CPED1: variants seen among roughly 807,000 people sequenced by gnomAD.
CPED1 encodes cadherin-like and PC-esterase domain-containing protein 1.
A neutral mutation model predicts 128.2 loss-of-function variants in CPED1; 114 were observed. The observed-to-expected ratio is 0.89, with a 90% CI of 0.76 to 1.04. The LOEUF (loss-of-function observed/expected upper bound fraction) is 1.04, where lower values mean the gene tolerates loss of function less well. Among genes scored for constraint, CPED1 ranks in the 50% least tolerant of loss-of-function variants. The pLI, the probability that CPED1 is intolerant of heterozygous loss-of-function variation, is 0.00. For synonymous variants in CPED1, 462 were observed against 426.7 expected, an observed-to-expected ratio of 1.08 and a Z score of -1.02; for missense variants, 1,211 against 1,207.1, an observed-to-expected ratio of 1.00 and a Z score of -0.05.
At chr7:121,255,457 C>T (rs1798780190) in intron 18 of CPED1, among the ~76,000 whole-genome samples, 1 of 152,008 alleles carries the variant, frequency 6.6e-6, no homozygotes, top group South Asian at 2.1e-4. Flanking sequence ...CAGCTAACAT[C>T]ATATGGAATG....
intron 12 of CPED1, among the ~76,000 whole-genome samples, chr7:121,133,146 A>G (rs1385681517): frequency 1.3e-5 from 2 of 152,114 alleles, no homozygotes; most frequent in Non-Finnish European, 2.9e-5. Flanking sequence ...GCACCAGCAC[A>G]GGAAAGTCTT....
chr7:121,269,565 C>T (rs10278685), intron 21 of CPED1, among the ~76,000 whole-genome samples: 6,342 of 152,058 alleles, frequency 0.042, 420 homozygotes, highest in African/African-American at 0.14. Flanking sequence ...CTTTGAGAAG[C>T]CTTCAAACTG....
chr7:121,222,669 C>T (rs1210186454), intron 16 of CPED1, among the ~76,000 whole-genome samples: 4 of 152,170 alleles, frequency 2.6e-5, no homozygotes, highest in Admixed American at 2.6e-4. Context: ...AGAGGTCCTT[C>T]ACATCCCTCC....
intron 3 of CPED1, among the ~76,000 whole-genome samples, chr7:121,017,664 G>A (rs1355996574): frequency 2.0e-5 from 3 of 152,082 alleles, no homozygotes; most frequent in Admixed American, 1.3e-4. Context: ...TGGATTATCT[G>A]TACATTTCAA....
chr7:121,131,930 A>G (rs1003836483), intron 12 of CPED1, among the ~76,000 whole-genome samples: 4 of 151,238 alleles, frequency 2.6e-5, no homozygotes, highest in Non-Finnish European at 4.4e-5. Context: ...TTTCTATTCA[A>G]TGATCATTTT....
intron 2 of CPED1, among the ~76,000 whole-genome samples, chr7:121,011,894 A>G (rs193053526): frequency 6.6e-6 from 1 of 152,304 alleles, no homozygotes; most frequent in Admixed American, 6.5e-5. Context: ...TAAAGTTACA[A>G]TATAATATTA....
chr7:121,106,881 A>G (rs1031609786), intron 7 of CPED1, among the ~76,000 whole-genome samples: 6 of 152,098 alleles, frequency 3.9e-5, no homozygotes, highest in African/African-American at 1.4e-4. Flanking sequence ...TTTCTGTTAC[A>G]CCTTGCCGAT....
chr7:120,997,580 G>C (rs962802543), intron 2 of CPED1, among the ~76,000 whole-genome samples: 2 of 152,154 alleles, frequency 1.3e-5, no homozygotes, highest in Non-Finnish European at 2.9e-5. Flanking sequence ...TTAGGATGAG[G>C]TCACACTGGA....
chr7:121,189,249 A>C (rs1336854022), intron 16 of CPED1, among the ~76,000 whole-genome samples: 2 of 152,168 alleles, frequency 1.3e-5, no homozygotes, highest in Admixed American at 6.5e-5. Flanking sequence ...CCATTCTCAC[A>C]CTGCTATAAA....
intron 2 of CPED1, among the ~76,000 whole-genome samples, chr7:121,013,655 A>G: frequency 6.6e-6 from 1 of 152,344 alleles, no homozygotes; most frequent in Middle Eastern, 3.4e-3. Context: ...AAGTCACACA[A>G]ATAATGCTGG....
At chr7:121,180,470 G>A (rs1348384042) in intron 16 of CPED1, among the ~76,000 whole-genome samples, 1 of 151,866 alleles carries the variant, frequency 6.6e-6, no homozygotes, top group Admixed American at 6.6e-5. Context: ...AAGCCAATGG[G>A]ACAATAATAT....
At chr7:121,063,433 C>A (rs1294256987) in intron 4 of CPED1, among the ~76,000 whole-genome samples, 1 of 147,202 alleles carries the variant, frequency 6.8e-6, no homozygotes, top group Non-Finnish European at 1.5e-5. Flanking sequence ...GTGCCCGAAG[C>A]GAGCTACCAC....
intron 16 of CPED1, among the ~76,000 whole-genome samples, chr7:121,236,275 G>A (rs1416241655): frequency 6.6e-6 from 1 of 152,092 alleles, no homozygotes; most frequent in African/African-American, 2.4e-5. Context: ...TAAAATACAT[G>A]CATCTGATTC....
At chr7:121,076,096 A>G (rs893695934) in intron 5 of CPED1, among the ~76,000 whole-genome samples, 3 of 152,148 alleles carry the variant, frequency 2.0e-5, no homozygotes, top group African/African-American at 7.2e-5. Flanking sequence ...AGTCACTCTA[A>G]TAATTTTGAA....
intron 16 of CPED1, among the ~76,000 whole-genome samples, chr7:121,225,526 C>T (rs1260155938): frequency 1.3e-5 from 2 of 152,000 alleles, no homozygotes; most frequent in African/African-American, 2.4e-5. Context: ...TGTTGGCCTG[C>T]CTTGCTAGGT....
intron 4 of CPED1, chr7:121,051,032 A>G: frequency 1.8e-6 from 1 of 542,256 alleles, no homozygotes; most frequent in South Asian, 1.5e-5. Context: ...GCAGCGAAGG[A>G]TAAATCTTCA....
intron 7 of CPED1, among the ~76,000 whole-genome samples, chr7:121,114,377 G>A (rs1432941286): frequency 6.6e-6 from 1 of 152,168 alleles, no homozygotes; most frequent in Non-Finnish European, 1.5e-5. Context: ...AGGCAAGGAT[G>A]CTACCTTCAA....
chr7:121,274,333 A>G (rs1307000485), intron 22 of CPED1, among the ~76,000 whole-genome samples: 2 of 152,154 alleles, frequency 1.3e-5, no homozygotes, highest in East Asian at 1.9e-4. Context: ...ATTAACTTGC[A>G]TAGTAACAAT....
intron 3 of CPED1, among the ~76,000 whole-genome samples, chr7:121,031,565 G>A (rs1014616237): frequency 2.0e-5 from 3 of 152,144 alleles, no homozygotes; most frequent in African/African-American, 7.2e-5. Context: ...TGGAATTATG[G>A]GCATGAGCCA....
Sources: gnomAD v4.1 joint callset for allele counts (sites outside exome capture counted in the v4.1 genomes callset) on GRCh38, gnomAD v4.1.1 for gene constraint, MANE v1.5 for transcripts, NCBI Gene and HGNC (gene_info 2026-07-23, HGNC 2026-07-21) for gene names.